Variants in EDA observed in about 807,000 individuals in gnomAD.
EDA encodes the protein ectodysplasin A, also known as ectodysplasin-A.
In EDA, 2 loss-of-function variants were observed where a neutral mutation model predicts 23.6. The ratio of observed to expected loss-of-function variants is 0.08; its 90% CI spans 0.03 to 0.27. The LOEUF is 0.27. EDA is among the 10% of genes least tolerant of loss of function. EDA has a pLI of 1.00. For missense variants in EDA, 229 were observed against 324.2 expected (o/e 0.71, Z 2.26); for synonymous variants, 131 against 132.0 (o/e 0.99, Z 0.05).
chrX:69,842,022 G>A (rs1248426549), intron 1 of EDA, among the ~76,000 whole-genome samples: 3 of 112,044 alleles, frequency 2.7e-5, no homozygotes. Flanking sequence ...CCCCCCCGTC[G>A]GACCATCGAC....
At chrX:69,770,348 C>T (rs984333159) in intron 1 of EDA, among the ~76,000 whole-genome samples, 4 of 112,048 alleles carry the variant, frequency 3.6e-5, no homozygotes, top group Non-Finnish European at 5.6e-5. Context: ...TGTACATTCC[C>T]ACTAATAATG....
chrX:69,837,774 C>T (rs1399140659), intron 1 of EDA, among the ~76,000 whole-genome samples: 1 of 112,139 alleles, frequency 8.9e-6, no homozygotes, highest in Non-Finnish European at 1.9e-5. Flanking sequence ...ATTGATTGTC[C>T]TCTTTACCAT....
intron 1 of EDA, among the ~76,000 whole-genome samples, chrX:69,861,370 A>G (rs1200941296): frequency 8.9e-6 from 1 of 111,993 alleles, no homozygotes; most frequent in Non-Finnish European, 1.9e-5. Flanking sequence ...AAACTTAAAT[A>G]TACATGCTGT....
At chrX:69,680,865 T>A (rs1191001162) in intron 1 of EDA, among the ~76,000 whole-genome samples, 1 of 104,048 alleles carries the variant, frequency 9.6e-6, no homozygotes, top group African/African-American at 3.6e-5. Flanking sequence ...CCTGTCATTA[T>A]GATGTTAGCT....
chrX:69,819,898 CAAAAAAAAAAAAAAA>C (rs2016171230), intron 1 of EDA, among the ~76,000 whole-genome samples: 1 of 46,612 alleles, frequency 2.1e-5, no homozygotes, highest in Non-Finnish European at 4.5e-5. Context: ...CATGTGGAAG[CAAAAAAAAAAAAAAA>C]CAAAAAACAC....
intron 1 of EDA, among the ~76,000 whole-genome samples, chrX:69,820,280 C>G (rs1348672709): frequency 8.9e-6 from 1 of 111,967 alleles, no homozygotes; most frequent in Non-Finnish European, 1.9e-5. Flanking sequence ...AAACCCAAAA[C>G]TATAAAAACC....
At chrX:69,747,748 T>C (rs2013668620) in intron 1 of EDA, among the ~76,000 whole-genome samples, 1 of 111,594 alleles carries the variant, frequency 9.0e-6, no homozygotes, top group Non-Finnish European at 1.9e-5. Context: ...GATGGGGGGA[T>C]AGAGAAAAAG....
In EDA at chrX:70,035,559, C is replaced by T. The variant is rs1177732827; in HGVS notation, c.1126C>T (p.His376Tyr). Residue 376 changes from histidine (H) to tyrosine (Y), a missense_variant, in exon 8 of 8, where the codon CAC (histidine) becomes TAC (tyrosine). This residue lies in a region of EDA where 175 missense variants were observed against 281.8 expected (regional missense o/e 0.62). Transcript: ENST00000374552. ...TGACATCTCCATCAACATGAGCAAGCACACCACGTTCTTTGGGGCCATCAG... is the reference window on the plus strand; with the variant it reads ...TGACATCTCCATCAACATGAGCAAGTACACCACGTTCTTTGGGGCCATCAG... ...HADISINMSKHTTFFGAIRLG... is the reference protein window; with the variant it reads ...HADISINMSKYTTFFGAIRLG... 8.3e-7 allele frequency: 1 copy of T among 1,205,031 alleles called. No individual in the cohort carries two copies. The highest frequency in any genetic ancestry group is 1.1e-6 in the Non-Finnish European group (1 of 894,064).
chrX:69,623,315 T>G (rs1932254718), intron 1 of EDA, among the ~76,000 whole-genome samples: 1 of 112,091 alleles, frequency 8.9e-6, no homozygotes, highest in African/African-American at 3.2e-5. Context: ...CCCAGCAGAT[T>G]TGGTGTTTGG....
chrX:69,894,000 A>G (rs1322784307), intron 1 of EDA, among the ~76,000 whole-genome samples: 1 of 111,948 alleles, frequency 8.9e-6, no homozygotes, highest in East Asian at 2.8e-4. Flanking sequence ...TTGAGGTACT[A>G]TTGTCCAGCT....
At chrX:69,679,056 G>T (rs6525326) in intron 1 of EDA, among the ~76,000 whole-genome samples, 2 of 97,461 alleles carry the variant, frequency 2.1e-5, no homozygotes, top group African/African-American at 3.9e-5. Context: ...TGTCAAAGGC[G>T]TTTTCTGCAT....
At chrX:69,860,279 C>T (rs1212199224) in intron 1 of EDA, among the ~76,000 whole-genome samples, 3 of 111,302 alleles carry the variant, frequency 2.7e-5, no homozygotes, top group African/African-American at 6.5e-5. Flanking sequence ...ATGATGTTAG[C>T]TGGTTATTTT....
chrX:69,855,587 C>T (rs1194051089), intron 1 of EDA, among the ~76,000 whole-genome samples: 16 of 111,433 alleles, frequency 1.4e-4, no homozygotes, highest in Non-Finnish European at 2.8e-4. Context: ...TTTTCCATTG[C>T]TTATTTTTGT....
At chrX:69,888,978 T>TATATATATATATATATATATATATATA (rs1556026049) in intron 1 of EDA, among the ~76,000 whole-genome samples, 4 of 16,013 alleles carry the variant, frequency 2.5e-4, no homozygotes, top group African/African-American at 2.3e-4. Flanking sequence ...TGTGGGGTAG[T>TATATATATATATATATATATATATATA]TATATATATA....
chrX:69,776,466 C>T (rs944475656), intron 1 of EDA, among the ~76,000 whole-genome samples: 5 of 111,593 alleles, frequency 4.5e-5, no homozygotes, highest in South Asian at 7.5e-4. Context: ...AGCTGTCTTG[C>T]CTGCCACGAT....
intron 1 of EDA, among the ~76,000 whole-genome samples, chrX:69,752,926 C>G (rs1224613923): frequency 9.0e-6 from 1 of 111,301 alleles, no homozygotes; most frequent in Non-Finnish European, 1.9e-5. Context: ...GGTGATATCT[C>G]CTTTATCATT....
At chrX:69,768,470 G>T (rs1390005160) in intron 1 of EDA, among the ~76,000 whole-genome samples, 1 of 110,902 alleles carries the variant, frequency 9.0e-6, no homozygotes, top group Non-Finnish European at 1.9e-5. Context: ...TTTTCCCAAT[G>T]TATTGCATTG....
intron 1 of EDA, among the ~76,000 whole-genome samples, chrX:69,933,725 T>G (rs1224226496): frequency 1.8e-5 from 2 of 111,569 alleles, no homozygotes; most frequent in Admixed American, 9.6e-5. Flanking sequence ...TGTCTTTTTC[T>G]TGATGCCTCT....
chrX:69,990,798 A>T (rs2019578218), intron 2 of EDA, among the ~76,000 whole-genome samples: 2 of 95,022 alleles, frequency 2.1e-5, no homozygotes. Context: ...TGACTTCTTC[A>T]CTTCCAAGTC....
Sources: gnomAD v4.1 joint callset for allele counts (sites outside exome capture counted in the v4.1 genomes callset) on GRCh38, gnomAD v4.1.1 for gene constraint, gnomAD v4.1.1 regional missense constraint, MANE v1.5 for transcripts, NCBI Gene and HGNC (gene_info 2026-07-23, HGNC 2026-07-21) for gene names.